The following FKBP11 variants were observed in gnomAD, a reference collection of about 807,000 sequenced individuals.
FKBP11 encodes FKBP prolyl isomerase 11.
In FKBP11, 21 loss-of-function variants were observed where a neutral mutation model predicts 24.7. The ratio of observed to expected loss-of-function variants is 0.85; its 90% CI spans 0.60 to 1.23. The LOEUF is 1.23. Among genes scored for constraint, FKBP11 ranks in the 50% most tolerant of loss-of-function variants. The pLI is 0.00. For missense variants in FKBP11, 245 were observed against 248.7 expected, an observed-to-expected ratio of 0.99 and a Z score of 0.10; for synonymous variants, 106 against 100.6, an observed-to-expected ratio of 1.05 and a Z score of -0.32.
At chr12:48,930,091 C>T (rs145471011), upstream of FKBP11, among the ~76,000 whole-genome samples, 1 of 152,182 alleles carries the variant, frequency 6.6e-6, no homozygotes, top group African/African-American at 2.4e-5. Context: ...ACTAGCTACA[C>T]GATAGCCTCC....
At chr12:48,936,753 T>C in the FKBP11 span, 2 of 151,998 alleles carry the variant, frequency 1.3e-5, no homozygotes, top group African/African-American at 4.8e-5. Flanking sequence ...AGAGGCAAAG[T>C]CCTCATGAAC....
intron 2 of FKBP11, 27 bp from the exon 3 acceptor site, chr12:48,924,675 A>T: frequency 6.2e-7 from 1 of 1,605,182 alleles, no homozygotes; most frequent in Non-Finnish European, 8.5e-7. Flanking sequence ...TCAAGAGCAT[A>T]CATCTAGCAC....
chr12:48,923,510 C>G (rs1939883286), intron 5 of FKBP11: 1 of 1,550,646 alleles, frequency 6.4e-7, no homozygotes, highest in Non-Finnish European at 8.7e-7. Flanking sequence ...GTGGCACAGG[C>G]AGCAGACCCA....
chr12:48,925,520 T>C (rs1939946547), upstream of FKBP11: 9 of 1,440,680 alleles, frequency 6.2e-6, no homozygotes, highest in Non-Finnish European at 8.3e-6. Context: ...CAGGCCAGAC[T>C]GGACGGGACG....
upstream of FKBP11, among the ~76,000 whole-genome samples, chr12:48,926,832 G>T (rs573534501): frequency 6.6e-6 from 1 of 151,264 alleles, no homozygotes; most frequent in Admixed American, 6.6e-5. Flanking sequence ...TTGTTGAGAC[G>T]GAGTTTCACT....
rs986459490 is a variant in FKBP11, at chr12:48,924,163, C to T, written c.317+60G>A. 13 of 1,594,172 alleles carry T rather than the reference C, an allele frequency of 8.2e-6. No homozygotes were observed. In the African/African-American group the frequency reaches 1.1e-4, roughly 13 times the overall value. On this transcript the variant is annotated intron_variant, in intron 4 of 5. Transcript: ENST00000550765. ...CTCCTGCTTAAGGAGTGAGGATGGCCGAGAAAGCCTCTACCCATGCAAAGG... is the reference window on the plus strand; with the variant it reads ...CTCCTGCTTAAGGAGTGAGGATGGCTGAGAAAGCCTCTACCCATGCAAAGG...
chr12:48,932,071 G>A, the FKBP11 span, among the ~76,000 whole-genome samples: 1 of 150,658 alleles, frequency 6.6e-6, no homozygotes, highest in East Asian at 2.0e-4. Context: ...AGCACTTTGG[G>A]AGGCTGGGGT....
upstream of FKBP11, among the ~76,000 whole-genome samples, chr12:48,930,072 G>A (rs998530594): frequency 2.0e-5 from 3 of 152,186 alleles, no homozygotes; most frequent in South Asian, 2.1e-4. Context: ...ATCATGTCTG[G>A]AGCTAAGTAC....
chr12:48,931,520 A>G, the FKBP11 span: 1 of 1,506,342 alleles, frequency 6.6e-7, no homozygotes, highest in South Asian at 1.2e-5. Flanking sequence ...ATTCTTGGAA[A>G]GATAGGAGAG....
At chr12:48,925,244 T>TA in intron 1 of FKBP11, 56 bp downstream of exon 1, 1 of 1,599,122 alleles carries the variant, frequency 6.3e-7, no homozygotes, top group East Asian at 2.2e-5. Flanking sequence ...GACCCCAGTA[T>TA]TACCACCCAA....
intron 3 of FKBP11, 39 bp from the exon 4 acceptor site, chr12:48,924,295 C>T (rs1209989370): frequency 5.0e-6 from 8 of 1,613,346 alleles, no homozygotes; most frequent in Non-Finnish European, 6.8e-6. Flanking sequence ...AAGCTATCCA[C>T]CTTCCCCAAA....
At chr12:48,938,507 C>T in the FKBP11 span, 2 of 450,954 alleles carry the variant, frequency 4.4e-6, no homozygotes, top group Non-Finnish European at 8.9e-6. Context: ...CACAGAGAGG[C>T]CCGTGCAATT....
chr12:48,924,181 T>G lies in FKBP11; in HGVS notation c.317+42A>C, dbSNP rs201388385. The G allele has an allele frequency of 1.1e-5, 17 of 1,612,448 alleles. No individual in the cohort carries two copies. The East Asian group carries it at 3.8e-4, about 36-fold the overall frequency. On this transcript the variant is annotated intron_variant, in intron 4 of 5. Transcript: ENST00000550765. ...GGATGGCCGAGAAAGCCTCTACCCA[T>G]GCAAAGGGGGTACCCAGGCCCACCC...
the FKBP11 span, among the ~76,000 whole-genome samples, chr12:48,933,019 A>G: frequency 6.6e-6 from 1 of 152,012 alleles, no homozygotes; most frequent in Non-Finnish European, 1.5e-5. Flanking sequence ...GAGGCCAGAT[A>G]CTCTCTTCTG....
upstream of FKBP11, among the ~76,000 whole-genome samples, chr12:48,926,764 AT>A: frequency 6.6e-6 from 1 of 150,720 alleles, no homozygotes; most frequent in East Asian, 2.0e-4. Context: ...AAGTGCTGGG[AT>A]TACAGGTATG....
At chr12:48,928,968 G>A (rs1375574328), upstream of FKBP11, among the ~76,000 whole-genome samples, 22 of 149,788 alleles carry the variant, frequency 1.5e-4, no homozygotes, top group African/African-American at 4.9e-4. Context: ...GACTACAGGC[G>A]CCCGCCATCA....
chr12:48,932,170 T>A, the FKBP11 span, among the ~76,000 whole-genome samples: 16,017 of 127,590 alleles, frequency 0.13, 1,469 homozygotes, highest in African/African-American at 0.25. Flanking sequence ...AAAGTAAAAA[T>A]ATATATATAT....
chr12:48,923,985 A>C (rs1397403437), intron 4 of FKBP11, 133 bp from the exon 5 acceptor site: 7 of 987,762 alleles, frequency 7.1e-6, no homozygotes, highest in Non-Finnish European at 1.1e-5. Flanking sequence ...CTGAACACCA[A>C]ACAGGCTGGC....
At chr12:48,938,277 G>A in the FKBP11 span, 2 of 409,778 alleles carry the variant, frequency 4.9e-6, no homozygotes, top group Non-Finnish European at 9.9e-6. Flanking sequence ...CCTGCAGAGA[G>A]GAGGGTAACC....
Sources: gnomAD v4.1 joint callset for allele counts (sites outside exome capture counted in the v4.1 genomes callset) on GRCh38, gnomAD v4.1.1 for gene constraint, MANE v1.5 for transcripts, NCBI Gene and HGNC (gene_info 2026-07-23, HGNC 2026-07-21) for gene names.